The following PKIB variants were observed in gnomAD, a reference collection of about 807,000 sequenced individuals.
The protein encoded by PKIB is cAMP-dependent protein kinase inhibitor beta, also known as PKI-beta.
PKIB carries 2 observed loss-of-function variants against 4.5 expected under a neutral mutation model. That is an observed-to-expected ratio of 0.44 (90% CI 0.18 to 1.39). PKIB has a LOEUF of 1.39. PKIB is among the 40% of genes most tolerant of loss of function. The probability of loss-of-function intolerance (pLI) is 0.27; values close to 1 mark genes in which losing one functional copy is unlikely to be tolerated. For missense variants in PKIB, 94 were observed against 92.6 expected (o/e 1.02, Z -0.06); for synonymous variants, 38 against 36.0 (o/e 1.06, Z -0.20).
At chr6:122,594,211 C>CT (rs79586746) in intron 3 of PKIB, among the ~76,000 whole-genome samples, 15,454 of 142,586 alleles carry the variant, frequency 0.11, 930 homozygotes, top group East Asian at 0.18. Context: ...AAAATTAAGA[C>CT]TTTTTTTTTT....
chr6:122,664,491 A>G (rs567783126), intron 2 of PKIB, among the ~76,000 whole-genome samples: 1 of 152,282 alleles, frequency 6.6e-6, no homozygotes, highest in East Asian at 1.9e-4. Context: ...AGCTCACTGT[A>G]ACCTCAAACT....
chr6:122,654,883 G>T (rs542453830), intron 2 of PKIB, among the ~76,000 whole-genome samples: 1 of 151,998 alleles, frequency 6.6e-6, no homozygotes, highest in Non-Finnish European at 1.5e-5. Flanking sequence ...TCACTTTTTG[G>T]TTCATTCTCC....
At chr6:122,674,730 T>C (rs1411255436) in intron 2 of PKIB, among the ~76,000 whole-genome samples, 1 of 152,214 alleles carries the variant, frequency 6.6e-6, no homozygotes, top group Non-Finnish European at 1.5e-5. Context: ...TGTCCTACAA[T>C]CATTTTTATG....
At chr6:122,532,466 A>C (rs1190873102) in intron 2 of PKIB, among the ~76,000 whole-genome samples, 1 of 152,156 alleles carries the variant, frequency 6.6e-6, no homozygotes, top group Non-Finnish European at 1.5e-5. Flanking sequence ...TTGTGTAATC[A>C]TCACCACTAT....
chr6:122,722,143 T>C (rs1369500064), intron 4 of PKIB, among the ~76,000 whole-genome samples: 1 of 152,158 alleles, frequency 6.6e-6, no homozygotes, highest in Non-Finnish European at 1.5e-5. Flanking sequence ...AAAAATCATT[T>C]TCCTTTCATT....
chr6:122,621,814 G>A (rs1382113253), intron 1 of PKIB, among the ~76,000 whole-genome samples: 1 of 152,246 alleles, frequency 6.6e-6, no homozygotes, highest in Non-Finnish European at 1.5e-5. Flanking sequence ...TATTTGTACA[G>A]TGGTGTACTG....
intron 2 of PKIB, among the ~76,000 whole-genome samples, chr6:122,541,832 G>A (rs1231241775): frequency 6.6e-6 from 1 of 151,774 alleles, no homozygotes. Context: ...ATCAGACGTA[G>A]ATTTGGTCTT....
chr6:122,620,812 T>A lies in PKIB; in HGVS notation c.-161+10277T>A, dbSNP rs535712465. Among the ~76,000 whole-genome samples the A allele has an allele frequency of 3.9e-5, 6 of 151,934 alleles. No homozygotes were observed. In the South Asian group the frequency reaches 1.2e-3, roughly 31 times the overall value. On this transcript the variant is annotated intron_variant, in intron 1 of 4. Coordinates refer to ENST00000368452, the MANE Select transcript of PKIB (RefSeq NM_181795.3). ...AGGATTTTTAAAAATTGAAATACCT[T>A]TTTTTGATTTTTGTTTAGCTCTAAA... is the stretch of plus-strand genomic sequence containing the variant.
chr6:122,565,529 T>A (rs1463347643), intron 2 of PKIB, among the ~76,000 whole-genome samples: 2 of 152,352 alleles, frequency 1.3e-5, no homozygotes, highest in South Asian at 4.1e-4. Flanking sequence ...TCCAGTATCC[T>A]GACATTTTTC....
At chr6:122,667,469 G>A (rs918420762) in intron 2 of PKIB, among the ~76,000 whole-genome samples, 76 of 152,076 alleles carry the variant, frequency 5.0e-4, no homozygotes, top group East Asian at 7.8e-4. Flanking sequence ...CCCGGGAGGC[G>A]GAGCTTGCAG....
At chr6:122,535,850 C>G (rs1001407970) in intron 2 of PKIB, among the ~76,000 whole-genome samples, 5 of 152,296 alleles carry the variant, frequency 3.3e-5, no homozygotes, top group Non-Finnish European at 5.9e-5. Context: ...CTATAAAGCA[C>G]AAGTACTGTA....
chr6:122,674,328 G>A (rs1017771517), intron 2 of PKIB, among the ~76,000 whole-genome samples: 3 of 152,170 alleles, frequency 2.0e-5, no homozygotes, highest in East Asian at 1.9e-4. Flanking sequence ...TCATTAGGAC[G>A]TTGTTGCCAC....
At chr6:122,513,718 G>A (rs1776656948) in intron 2 of PKIB, among the ~76,000 whole-genome samples, 1 of 152,168 alleles carries the variant, frequency 6.6e-6, no homozygotes, top group Admixed American at 6.5e-5. Flanking sequence ...TTACAAGTGA[G>A]ATCGTGCAAT....
intron 2 of PKIB, among the ~76,000 whole-genome samples, chr6:122,579,654 A>G (rs1374906670): frequency 2.6e-5 from 4 of 152,150 alleles, no homozygotes; most frequent in African/African-American, 7.2e-5. Context: ...ATCAGTTCCT[A>G]ATGAAAAGTA....
intron 3 of PKIB, among the ~76,000 whole-genome samples, chr6:122,601,120 C>T (rs1258148525): frequency 6.7e-6 from 1 of 150,122 alleles, no homozygotes; most frequent in African/African-American, 2.5e-5. Context: ...AAATAAAACA[C>T]AGAAAGAAAA....
intron 3 of PKIB, among the ~76,000 whole-genome samples, chr6:122,707,351 AG>A (rs1280181486): frequency 6.6e-6 from 1 of 152,122 alleles, no homozygotes; most frequent in Non-Finnish European, 1.5e-5. Context: ...GAGCTCAAAA[AG>A]GCTTAATCAT....
At chr6:122,570,922 A>G (rs1773347357) in intron 2 of PKIB, among the ~76,000 whole-genome samples, 1 of 152,136 alleles carries the variant, frequency 6.6e-6, no homozygotes, top group Non-Finnish European at 1.5e-5. Context: ...TTGAAATACC[A>G]GACAAGTCAG....
At chr6:122,717,985 C>T in intron 4 of PKIB, 22 bp downstream of exon 4, 1 of 1,603,074 alleles carries the variant, frequency 6.2e-7, no homozygotes, top group South Asian at 1.1e-5. Context: ...AATCCTCTTA[C>T]AATTAACAGC....
At chr6:122,591,163 A>G (rs1377050960) in intron 3 of PKIB, among the ~76,000 whole-genome samples, 1 of 133,282 alleles carries the variant, frequency 7.5e-6, no homozygotes, top group Non-Finnish European at 1.7e-5. Context: ...ATAGCAAGGA[A>G]GGTCCCCCCC....
Sources: allele counts gnomAD v4.1 joint callset (sites outside exome capture counted in the v4.1 genomes callset), GRCh38; gene constraint gnomAD v4.1.1; transcripts MANE v1.5; gene names NCBI Gene and HGNC (gene_info 2026-07-23, HGNC 2026-07-21).